PET100: variants seen among roughly 807,000 people sequenced by gnomAD.
PET100 encodes protein PET100 homolog, mitochondrial.
Under a neutral mutation model 13.6 loss-of-function variants are expected in PET100, and 13 were observed. The observed-to-expected ratio is 0.96, with a 90% CI of 0.62 to 1.52. The LOEUF is 1.52. PET100 is among the 40% of genes most tolerant of loss of function. PET100 has a pLI of 0.00. For missense variants in PET100, 94 were observed against 95.3 expected, an observed-to-expected ratio of 0.99 and a Z score of 0.06; for synonymous variants, 28 against 30.8, an observed-to-expected ratio of 0.91 and a Z score of 0.30.
intron 3 of PET100, 27 bp from the exon 4 acceptor site, chr19:7,631,446 C>G (rs1254633188): frequency 6.6e-7 from 1 of 1,526,400 alleles, no homozygotes; most frequent in African/African-American, 1.4e-5. Flanking sequence ...TCCCCCCTTC[C>G]TGTCCCACCC....
chr19:7,631,381 G>A, intron 3 of PET100, 92 bp from the exon 4 acceptor site: 1 of 1,398,952 alleles, frequency 7.1e-7, no homozygotes, highest in Non-Finnish European at 9.5e-7. Flanking sequence ...TCTGGGGCAG[G>A]GTGGTGGGAG....
intron 3 of PET100, 115 bp from the exon 4 acceptor site, chr19:7,631,358 C>G (rs911653966): frequency 1.5e-6 from 2 of 1,359,346 alleles, no homozygotes; most frequent in Non-Finnish European, 1.9e-6. Flanking sequence ...GACACTGAAC[C>G]CTGAAGCCGT....
chr19:7,630,978 G>T (rs1007058433), intron 3 of PET100, 132 bp downstream of exon 3: 2 of 1,188,150 alleles, frequency 1.7e-6, no homozygotes, highest in Admixed American at 2.0e-5. Flanking sequence ...GGAGGCTGAG[G>T]TGGGTAGATC....
At chr19:7,630,548 C>T in intron 1 of PET100, 25 bp from the exon 2 acceptor site, 2 of 1,517,842 alleles carry the variant, frequency 1.3e-6, no homozygotes, top group South Asian at 2.4e-5. Flanking sequence ...GGGGAGCTCA[C>T]CTCACCCACC....
intron 3 of PET100, chr19:7,631,100 T>C (rs1191423305): frequency 5.3e-6 from 4 of 748,732 alleles, no homozygotes; most frequent in Non-Finnish European, 8.3e-6. Flanking sequence ...TCCAGCTGCT[T>C]GGGAGGCTGA....
At chr19:7,630,970 A>AG (rs2031271281) in intron 3 of PET100, 124 bp downstream of exon 3, 3 of 1,255,672 alleles carry the variant, frequency 2.4e-6, no homozygotes, top group Admixed American at 2.0e-5. Flanking sequence ...AGGGCATGGG[A>AG]GGCTGAGGTG....
rs1865172003 is a variant in PET100 at position 7,630,971 on chromosome 19, G to A, written c.138+125G>A. On this transcript the variant is annotated intron_variant, in intron 3 of 3. Coordinates refer to ENST00000594797, the MANE Select transcript of PET100 (RefSeq NM_001171155.2). ...ATGCTTGTAATCCCAGGGCATGGGA[G>A]GCTGAGGTGGGTAGATCACTTGAGG... is the stretch of plus-strand genomic sequence containing the variant. 8.2e-6 allele frequency: 10 copies of A among 1,224,062 alleles called. No homozygotes were observed. In the South Asian group the frequency reaches 1.0e-4, roughly 13 times the overall value. 75.8% of individuals were successfully genotyped at this position (1,224,062 alleles called of 1,614,324 possible). A position where few individuals can be genotyped will look rare whatever the true frequency, so the allele number is the denominator to read the frequency against.
intron 1 of PET100, chr19:7,630,363 A>T (rs1407117671): frequency 1.4e-5 from 8 of 588,732 alleles, no homozygotes; most frequent in Non-Finnish European, 2.4e-5. Context: ...TCCAGCTCAG[A>T]GGGAACTTTC....
chr19:7,631,167 C>A, intron 3 of PET100: 1 of 1,142,576 alleles, frequency 8.8e-7, no homozygotes. Context: ...CAAGATCACG[C>A]CACTGCACTC....
chr19:7,630,559 C>G lies in PET100; in HGVS notation c.28-14C>G. 1.3e-6 allele frequency: 2 copies of G among 1,532,696 alleles called. No individual in the cohort carries two copies. The highest frequency in any genetic ancestry group is 1.8e-6 in the Non-Finnish European group (2 of 1,142,776). The allele number at this position is 1,532,696 out of a possible 1,614,324, so 94.9% of individuals were successfully genotyped here. A position where few individuals can be genotyped will look rare whatever the true frequency, so the allele number is the denominator to read the frequency against. The stretch of plus-strand genomic sequence containing the variant: ...TTGGGGGGAGCTCACCTCACCCACC[C>G]TCTGCCATTCCAGATGATAATCTAC... On this transcript the variant is annotated splice_polypyrimidine_tract_variant and intron_variant, in intron 1 of 3. Transcript: ENST00000594797.
chr19:7,630,299 G>A (rs1183899898), intron 1 of PET100: 5 of 527,888 alleles, frequency 9.5e-6, no homozygotes, highest in African/African-American at 1.9e-5. Flanking sequence ...TCGAGGAGAT[G>A]CTTTTGATTG....
At chr19:7,630,201 C>T (rs1173618283) in intron 1 of PET100, 7 of 454,546 alleles carry the variant, frequency 1.5e-5, no homozygotes. Context: ...AGGGAGATTC[C>T]TAGACTTCGA....
Position 7,631,700 on chromosome 19 carries a change from G to T in PET100, c.*144G>T. On this transcript the variant is annotated 3_prime_UTR_variant, in exon 4 of 4. Transcript: ENST00000594797. ...GATGCCTCAGGCCCTCAGGGGGCTT[G>T]TGTCGGGGGCTGGGGGCTGCTGTTC... The T allele has an allele frequency of 1.4e-6, 2 of 1,455,426 alleles. No individual in the cohort carries two copies. The highest frequency in any genetic ancestry group is 1.8e-6 in the Non-Finnish European group (2 of 1,102,890). 90.2% of individuals were successfully genotyped at this position (1,455,426 alleles called of 1,614,324 possible). A position where few individuals can be genotyped will look rare whatever the true frequency, so the allele number is the denominator to read the frequency against.
chr19:7,631,808 C>G lies in PET100; in HGVS notation c.*252C>G. The G allele has an allele frequency of 1.4e-6, 2 of 1,402,972 alleles. No homozygotes were observed. The highest frequency in any genetic ancestry group is 1.9e-6 in the Non-Finnish European group (2 of 1,073,382). 86.9% of individuals were successfully genotyped at this position (1,402,972 alleles called of 1,614,324 possible). On this transcript the variant is annotated 3_prime_UTR_variant, in exon 4 of 4. Transcript: ENST00000594797. ...GTCCCAGCTCGTTTCTGTGCTCCGT[C>G]CTGTGGATGAAGAGGGGTCAGCCAG...
chr19:7,630,123 G>T, intron 1 of PET100: 2 of 446,412 alleles, frequency 4.5e-6, no homozygotes, highest in Non-Finnish European at 7.9e-6. Flanking sequence ...TGAGAAGGGG[G>T]CTCTAAAGAA....
intron 1 of PET100, chr19:7,630,223 G>T (rs1030260178): frequency 1.1e-5 from 5 of 455,060 alleles, no homozygotes; most frequent in African/African-American, 7.9e-5. Flanking sequence ...AAGTGGAGTT[G>T]AAGAGTGACG....
Position 7,631,938 on chromosome 19 carries a change from C to A in PET100, c.*382C>A. ...ATTGTGAGCACTGGTCTATGTTTAC[C>A]CTCAATATCTGCCATTTAGGGTGGC... On this transcript the variant is annotated 3_prime_UTR_variant, in exon 4 of 4. Transcript: ENST00000594797. The A allele has an allele frequency of 2.1e-6, 2 of 951,448 alleles. No individual in the cohort carries two copies. Among genetic ancestry groups the A allele is most frequent in the Non-Finnish European group, 2.9e-6 (2 of 700,130 alleles). 58.9% of individuals were successfully genotyped at this position (951,448 alleles called of 1,614,324 possible).
chr19:7,629,805 A>G lies in PET100; in HGVS notation c.-29A>G, dbSNP rs1271215107. 1.3e-6 allele frequency: 2 copies of G among 1,536,940 alleles called. No individual in the cohort carries two copies. On this transcript the variant is annotated 5_prime_UTR_variant, in exon 1 of 4. Coordinates refer to ENST00000594797, the MANE Select transcript of PET100 (RefSeq NM_001171155.2). ...TTGCTGGAGGGTCGGCTTTGGGCGGAACTGGCTTTGTTGACCGGGAGAAAC... is the reference window on the plus strand; with the variant it reads ...TTGCTGGAGGGTCGGCTTTGGGCGGGACTGGCTTTGTTGACCGGGAGAAAC...
chr19:7,630,710 G>A, intron 2 of PET100, 51 bp downstream of exon 2: 2 of 1,531,524 alleles, frequency 1.3e-6, no homozygotes, highest in Non-Finnish European at 1.8e-6. Flanking sequence ...GGGAGAGGGT[G>A]TGGGGCAGCA....
Sources: gnomAD v4.1 joint callset for allele counts on GRCh38, gnomAD v4.1.1 for gene constraint, MANE v1.5 for transcripts, NCBI Gene and HGNC (gene_info 2026-07-23, HGNC 2026-07-21) for gene names.